Variants in GON4L observed in about 807,000 individuals in gnomAD.
The protein encoded by GON4L is gon-4 like.
A neutral mutation model predicts 211.8 loss-of-function variants in GON4L; 87 were observed. That is an observed-to-expected ratio of 0.41 (90% CI 0.35 to 0.49). GON4L has a LOEUF of 0.49. Ranked by LOEUF, GON4L falls within the 20% of genes least tolerant of loss-of-function variation. GON4L has a pLI of 0.15. For synonymous variants in GON4L, 875 were observed against 962.6 expected, an observed-to-expected ratio of 0.91 and a Z score of 1.68; for missense variants, 2,155 against 2,659.5, an observed-to-expected ratio of 0.81 and a Z score of 4.17.
chr1:155,785,049 G>A (rs1664806811), intron 13 of GON4L: 3 of 456,896 alleles, frequency 6.6e-6, no homozygotes, highest in Non-Finnish European at 8.2e-6. Flanking sequence ...GCTGTGAGCT[G>A]TAATTTCACC....
intron 10 of GON4L, among the ~76,000 whole-genome samples, chr1:155,806,746 AC>A (rs2102097217): frequency 6.6e-6 from 1 of 152,200 alleles, no homozygotes; most frequent in African/African-American, 2.4e-5. Flanking sequence ...TAGATATACC[AC>A]TTTTGTTTAT....
At chr1:155,832,965 A>G (rs939255234) in intron 2 of GON4L, 3 of 151,756 alleles carry the variant, frequency 2.0e-5, no homozygotes, top group Non-Finnish European at 2.9e-5. Context: ...TTGGCAAAAA[A>G]AAAAAAAAAA....
At chr1:155,821,602 T>C (rs1418871239) in intron 4 of GON4L, 54 bp from the exon 5 acceptor site, 3 of 970,404 alleles carry the variant, frequency 3.1e-6, no homozygotes, top group Non-Finnish European at 5.0e-6. Flanking sequence ...ACCTAGACAA[T>C]ACTCATCTCT....
At chr1:155,745,899 G>A (rs1254433647), downstream of GON4L, 144 of 943,800 alleles carry the variant, frequency 1.5e-4, no homozygotes, top group Non-Finnish European at 2.0e-4. Context: ...GGCGCGCACT[G>A]GTGGAACCAG....
chr1:155,771,790 T>C (rs2101804279), intron 18 of GON4L, among the ~76,000 whole-genome samples: 1 of 152,318 alleles, frequency 6.6e-6, no homozygotes, highest in Non-Finnish European at 1.5e-5. Flanking sequence ...ATCTACTTTT[T>C]GTAAATCTAA....
Position 155,766,324 on chromosome 1 carries a change from T to A in GON4L, c.3149A>T (p.Gln1050Leu). The change falls in exon 21 of 32, where the codon CAG (glutamine) becomes CTG (leucine). Residue 1050 changes from glutamine (Q) to leucine (L), a missense_variant. Physicochemically the swap from Gln to Leu is moderately radical, Grantham distance 113. This residue lies in a region of GON4L where 615 missense variants were observed against 625.7 expected (regional missense o/e 0.98). Transcript: ENST00000368331. ...PHPIQPATVL[Q>L]TVPGVPPLGV... is the part of the protein sequence containing the mutation. The stretch of plus-strand genomic sequence containing the variant: ...CAGTGGAGGGACACCTGGAACTGTC[T>A]GTAAAACAGTGGCTGGCTGTATTGG... 1 of 1,614,126 alleles carries A rather than the reference T, an allele frequency of 6.2e-7. No homozygotes were observed. Among genetic ancestry groups the A allele is most frequent in the South Asian group, 1.1e-5 (1 of 91,084 alleles).
At chr1:155,829,000 A>AT (rs1164790269) in intron 2 of GON4L, among the ~76,000 whole-genome samples, 3 of 151,956 alleles carry the variant, frequency 2.0e-5, no homozygotes, top group Non-Finnish European at 4.4e-5. Context: ...ATATTTCTGA[A>AT]TTTTTTCCCT....
At chr1:155,822,865 G>A (rs964177131) in intron 3 of GON4L, among the ~76,000 whole-genome samples, 5 of 152,140 alleles carry the variant, frequency 3.3e-5, no homozygotes, top group African/African-American at 1.2e-4. Context: ...GTGCAATCTC[G>A]GCTCAGCGCA....
At chr1:155,829,534 A>C (rs1033843856) in intron 2 of GON4L, among the ~76,000 whole-genome samples, 8 of 151,894 alleles carry the variant, frequency 5.3e-5, no homozygotes, top group African/African-American at 1.4e-4. Flanking sequence ...GGGGAGGCAG[A>C]GGTTGCAGTG....
chr1:155,788,881 G>C (rs1665220505), intron 12 of GON4L, among the ~76,000 whole-genome samples: 1 of 152,086 alleles, frequency 6.6e-6, no homozygotes. Context: ...ACAAGGTCAG[G>C]AGATCGAGAT....
At chr1:155,763,938 G>A (rs1222710372) in intron 21 of GON4L, among the ~76,000 whole-genome samples, 4 of 151,494 alleles carry the variant, frequency 2.6e-5, no homozygotes, top group African/African-American at 7.3e-5. Flanking sequence ...GGGAGGTGGA[G>A]GTTGCAGTGA....
Position 155,752,572 on chromosome 1 carries a change from C to T in GON4L, c.5861G>A (p.Ser1954Asn), listed in dbSNP as rs765820048. The change falls in exon 30 of 32, where the codon AGC (serine) becomes AAC (asparagine). Residue 1954 changes from serine (S) to asparagine (N), a missense_variant. By Grantham distance (46) the Ser-to-Asn change is conservative (BLOSUM62 1). Transcript: ENST00000368331. The part of the protein sequence containing the change: ...MPVSAGLAVG[S>N]TLPSPREVTV... ...CACTTCTCGAGGGGATGGCAAAGTG[C>T]TCCCCACTGCCAATCCTGCTTAGGA... 6.3e-7 allele frequency: 1 copy of T among 1,589,718 alleles called. No homozygotes were observed. Among genetic ancestry groups the T allele is most frequent in the Admixed American group, 1.8e-5 (1 of 54,908 alleles).
At chr1:155,816,508 A>G (rs1158868776) in intron 6 of GON4L, among the ~76,000 whole-genome samples, 1 of 152,232 alleles carries the variant, frequency 6.6e-6, no homozygotes, top group Non-Finnish European at 1.5e-5. Flanking sequence ...ACTTCTTTCT[A>G]TAAATGAAGA....
chr1:155,782,160 T>C (rs1403176122), intron 14 of GON4L, among the ~76,000 whole-genome samples: 1 of 152,220 alleles, frequency 6.6e-6, no homozygotes, highest in Non-Finnish European at 1.5e-5. Flanking sequence ...CTCTCTCTTC[T>C]TTATTGTGTT....
intron 12 of GON4L, among the ~76,000 whole-genome samples, chr1:155,790,480 G>A (rs993243286): frequency 1.3e-5 from 2 of 151,918 alleles, no homozygotes; most frequent in Admixed American, 1.3e-4. Flanking sequence ...GTGCTCAAGC[G>A]ATCCTCCTGC....
At chr1:155,804,024 T>C (rs1666922056) in intron 11 of GON4L, among the ~76,000 whole-genome samples, 1 of 152,200 alleles carries the variant, frequency 6.6e-6, no homozygotes, top group Non-Finnish European at 1.5e-5. Flanking sequence ...ACTTGCATCA[T>C]GAAGACCCTT....
chr1:155,782,564 G>A (rs1021692198), intron 14 of GON4L, among the ~76,000 whole-genome samples: 2 of 152,122 alleles, frequency 1.3e-5, no homozygotes, highest in East Asian at 1.9e-4. Context: ...TTCACAGAAT[G>A]TATCACCATG....
At chr1:155,853,850 G>T in intron 1 of GON4L, 44 bp from the exon 2 acceptor site, 3 of 1,166,918 alleles carry the variant, frequency 2.6e-6, no homozygotes, top group South Asian at 1.3e-5. Flanking sequence ...TTAATTAAAA[G>T]TAATAACATT....
chr1:155,755,470 C>T (rs2101641318), intron 27 of GON4L, among the ~76,000 whole-genome samples: 1 of 152,132 alleles, frequency 6.6e-6, no homozygotes, highest in South Asian at 2.1e-4. Flanking sequence ...CTCGACCTCC[C>T]AAAATGCTGG....
Sources: allele counts gnomAD v4.1 joint callset (sites outside exome capture counted in the v4.1 genomes callset), GRCh38; gene constraint gnomAD v4.1.1; regional missense constraint gnomAD v4.1.1; transcripts MANE v1.5; gene names NCBI Gene and HGNC (gene_info 2026-07-23, HGNC 2026-07-21).